Variants in HS3ST4 observed in about 807,000 individuals in gnomAD.
HS3ST4 encodes the protein heparan sulfate glucosamine 3-O-sulfotransferase 4.
HS3ST4 carries 17 observed loss-of-function variants against 29.2 expected under a neutral mutation model. The ratio of observed to expected loss-of-function variants is 0.58; its 90% CI spans 0.40 to 0.87. HS3ST4 has a LOEUF of 0.87. HS3ST4 is among the 40% of genes least tolerant of loss of function. The probability of loss-of-function intolerance (pLI) is 0.00; values close to 1 mark genes in which losing one functional copy is unlikely to be tolerated. For synonymous variants in HS3ST4, 314 were observed against 285.7 expected, an observed-to-expected ratio of 1.10 and a Z score of -1.00; for missense variants, 627 against 634.5, an observed-to-expected ratio of 0.99 and a Z score of 0.13.
At chr16:26,065,347 A>G (rs184818746) in intron 1 of HS3ST4, among the ~76,000 whole-genome samples, 145 of 152,314 alleles carry the variant, frequency 9.5e-4, no homozygotes, top group African/African-American at 3.4e-3. Context: ...GCTGTAGGCC[A>G]TTATCACTAG....
chr16:26,097,967 A>G (rs1239104576), intron 1 of HS3ST4, among the ~76,000 whole-genome samples: 1 of 152,256 alleles, frequency 6.6e-6, no homozygotes, highest in Non-Finnish European at 1.5e-5. Context: ...TATGCAGCCA[A>G]CAGACACATG....
At chr16:25,984,465 T>C (rs113107107) in intron 1 of HS3ST4, among the ~76,000 whole-genome samples, 3,133 of 152,268 alleles carry the variant, frequency 0.021, 127 homozygotes, top group African/African-American at 0.072. Context: ...CGGCTGACCT[T>C]GTGCTGTGTA....
At position 25,832,320 on chromosome 16, in the gene HS3ST4, A is replaced by G. The variant is rs563283563; in HGVS notation, c.734+139169A>G. 7.6e-4 allele frequency among the ~76,000 whole-genome samples: 116 copies of G among 152,270 alleles called. 1 individual carries two copies. Among genetic ancestry groups the G allele is most frequent in the African/African-American group, 2.5e-3 (102 of 41,560 alleles). On this transcript the variant is annotated intron_variant, in intron 1 of 1. Transcript: ENST00000331351. Reference sequence around the variant, plus strand: ...AAAGTTTGTTCTCAAATGCAGAAACAAGACTTGATGCCATGAACACAGAGA... The same window carrying G: ...AAAGTTTGTTCTCAAATGCAGAAACGAGACTTGATGCCATGAACACAGAGA...
rs538139373 is a variant in HS3ST4, at chr16:25,828,866, C to A, written c.734+135715C>A. ...GAACTTGGACAAGTGATTAAACTTACTTGAGCATTAGTTTTCCCATCTTTA... is the reference window on the plus strand; with the variant it reads ...GAACTTGGACAAGTGATTAAACTTAATTGAGCATTAGTTTTCCCATCTTTA... On this transcript the variant is annotated intron_variant, in intron 1 of 1. Coordinates refer to ENST00000331351, the MANE Select transcript of HS3ST4 (RefSeq NM_006040.3). Among the ~76,000 whole-genome samples the A allele has an allele frequency of 2.0e-5, 3 of 152,234 alleles. No homozygotes were observed. The East Asian group carries it at 5.8e-4, about 29-fold the overall frequency.
At chr16:26,017,262 G>C (rs1183217025) in intron 1 of HS3ST4, among the ~76,000 whole-genome samples, 1 of 152,194 alleles carries the variant, frequency 6.6e-6, no homozygotes, top group Non-Finnish European at 1.5e-5. Context: ...GGAAACTTCT[G>C]CTAAAGGCTA....
intron 1 of HS3ST4, among the ~76,000 whole-genome samples, chr16:26,112,026 A>AC (rs1369529030): frequency 3.3e-5 from 5 of 151,666 alleles, no homozygotes; most frequent in Admixed American, 6.6e-5. Context: ...AAAAAAAAAA[A>AC]AAAATTCTCT....
chr16:25,722,449 T>A (rs1293241060), intron 1 of HS3ST4, among the ~76,000 whole-genome samples: 1 of 152,240 alleles, frequency 6.6e-6, no homozygotes, highest in Non-Finnish European at 1.5e-5. Context: ...CCTTTTCTTT[T>A]GTTTGATTTT....
chr16:26,137,640 C>G lies in HS3ST4; in HGVS notation c.*1392C>G, dbSNP rs2141819112. The G allele has an allele frequency of 6.6e-6, 1 of 152,298 alleles. No homozygotes were observed. The highest frequency in any genetic ancestry group is 3.4e-3 in the Middle Eastern group (1 of 294). 9.4% of individuals were successfully genotyped at this position (152,298 alleles called of 1,614,324 possible). On this transcript the variant is annotated 3_prime_UTR_variant, in exon 2 of 2. Transcript: ENST00000331351. ...CAGCTGTTATTAAACTGTCATTTCTCCCGCTAAATGAAAACCGTGTTGTTA... is the reference window on the plus strand; with the variant it reads ...CAGCTGTTATTAAACTGTCATTTCTGCCGCTAAATGAAAACCGTGTTGTTA...
chr16:25,746,609 T>C (rs4787753), intron 1 of HS3ST4, among the ~76,000 whole-genome samples: 70,690 of 151,150 alleles, frequency 0.47, 17,796 homozygotes, highest in Non-Finnish European at 0.57. Context: ...TGGAGTGCAA[T>C]GGCATGTTCT....
chr16:25,890,409 C>G (rs551034287), intron 1 of HS3ST4, among the ~76,000 whole-genome samples: 6 of 152,300 alleles, frequency 3.9e-5, no homozygotes, highest in Admixed American at 2.0e-4. Flanking sequence ...GACATAGAGA[C>G]AGAATAAAAA....
chr16:26,114,147 A>G (rs923617528), intron 1 of HS3ST4, among the ~76,000 whole-genome samples: 7 of 152,128 alleles, frequency 4.6e-5, no homozygotes, highest in African/African-American at 1.7e-4. Flanking sequence ...AGAGGCTCAG[A>G]TGCAGGTGGT....
chr16:25,875,199 G>A (rs777816669), intron 1 of HS3ST4, among the ~76,000 whole-genome samples: 20 of 152,222 alleles, frequency 1.3e-4, no homozygotes, highest in African/African-American at 2.4e-4. Flanking sequence ...CTTTTCTATC[G>A]TTTCAGCTTT....
At chr16:25,956,732 C>T (rs1316548830) in intron 1 of HS3ST4, among the ~76,000 whole-genome samples, 3 of 151,938 alleles carry the variant, frequency 2.0e-5, no homozygotes, top group Non-Finnish European at 2.9e-5. Context: ...GGCGTGGTGG[C>T]TCATGCCTGT....
chr16:25,779,416 T>C (rs966446684), intron 1 of HS3ST4, among the ~76,000 whole-genome samples: 1 of 152,254 alleles, frequency 6.6e-6, no homozygotes, highest in Non-Finnish European at 1.5e-5. Context: ...CAAGGCTATG[T>C]AAGTCTGATC....
At chr16:25,835,538 C>T (rs1168902199) in intron 1 of HS3ST4, among the ~76,000 whole-genome samples, 3 of 151,984 alleles carry the variant, frequency 2.0e-5, no homozygotes, top group Non-Finnish European at 1.5e-5. Context: ...ATTGTACCTA[C>T]CATGTGCCAT....
intron 1 of HS3ST4, among the ~76,000 whole-genome samples, chr16:26,078,455 G>A (rs1406737820): frequency 6.6e-6 from 1 of 152,146 alleles, no homozygotes; most frequent in Admixed American, 6.5e-5. Flanking sequence ...GCCTGTTTGT[G>A]CTTTATTTTT....
chr16:26,127,382 G>A (rs1219887765), intron 1 of HS3ST4, among the ~76,000 whole-genome samples: 3 of 152,290 alleles, frequency 2.0e-5, no homozygotes, highest in Middle Eastern at 6.8e-3. Flanking sequence ...GGAGGCCAAG[G>A]CAGGAGGATT....
chr16:25,988,939 A>C (rs933023155), intron 1 of HS3ST4, among the ~76,000 whole-genome samples: 1 of 152,286 alleles, frequency 6.6e-6, no homozygotes, highest in Non-Finnish European at 1.5e-5. Context: ...TAGAAGAAAA[A>C]CCTCAGACAA....
At chr16:25,796,162 C>G (rs1966884874) in intron 1 of HS3ST4, among the ~76,000 whole-genome samples, 1 of 152,162 alleles carries the variant, frequency 6.6e-6, no homozygotes, top group Admixed American at 6.5e-5. Flanking sequence ...TATCTCTTTA[C>G]TTGTTTCTAT....
Sources: gnomAD v4.1 joint callset for allele counts (sites outside exome capture counted in the v4.1 genomes callset) on GRCh38, gnomAD v4.1.1 for gene constraint, MANE v1.5 for transcripts, NCBI Gene and HGNC (gene_info 2026-07-23, HGNC 2026-07-21) for gene names.